TMEM135: variants seen among roughly 807,000 people sequenced by gnomAD.
TMEM135 encodes the protein transmembrane protein 135, also known as peroxisomal membrane protein 52.
A neutral mutation model predicts 60.3 loss-of-function variants in TMEM135; 30 were observed. That is an observed-to-expected ratio of 0.50 (90% CI 0.37 to 0.68). TMEM135 has a LOEUF of 0.68. TMEM135 is among the 30% of genes least tolerant of loss of function. TMEM135 has a pLI of 0.00. For synonymous variants in TMEM135, 190 were observed against 186.7 expected, an observed-to-expected ratio of 1.02 and a Z score of -0.14; for missense variants, 468 against 548.8, an observed-to-expected ratio of 0.85 and a Z score of 1.47.
In TMEM135 at chr11:87,324,894, C is replaced by T. The variant is rs1169387673; in HGVS notation, c.*3561C>T. On this transcript the variant is annotated 3_prime_UTR_variant, in exon 15 of 15. Coordinates refer to ENST00000305494, the MANE Select transcript of TMEM135 (RefSeq NM_022918.4). ...TTTTCACATAGTAGAATACTTCACT[C>T]AGCTGAAAATGAGTGGCCAAGAAAA... 1 of 453,860 alleles carries T rather than the reference C, an allele frequency of 2.2e-6. No homozygotes were observed. The highest frequency in any genetic ancestry group is 4.4e-6 in the Non-Finnish European group (1 of 226,774). 28.1% of individuals were successfully genotyped at this position (453,860 alleles called of 1,614,324 possible).
chr11:87,089,022 T>C (rs1857152718), intron 3 of TMEM135, among the ~76,000 whole-genome samples: 1 of 152,220 alleles, frequency 6.6e-6, no homozygotes, highest in Non-Finnish European at 1.5e-5. Context: ...TTAAGTTGTA[T>C]GTATTTAGGT....
At chr11:87,080,556 A>T (rs1856968249) in intron 3 of TMEM135, among the ~76,000 whole-genome samples, 2 of 152,322 alleles carry the variant, frequency 1.3e-5, no homozygotes, top group South Asian at 4.1e-4. Context: ...TGAAGGTTTT[A>T]TTGGTACATG....
At chr11:87,053,331 G>A (rs1173339493) in intron 1 of TMEM135, among the ~76,000 whole-genome samples, 2 of 144,248 alleles carry the variant, frequency 1.4e-5, no homozygotes, top group African/African-American at 2.6e-5. Flanking sequence ...TATTGATTAT[G>A]AAAAGATGAT....
At chr11:87,254,934 G>A (rs188628982) in intron 6 of TMEM135, among the ~76,000 whole-genome samples, 1 of 152,116 alleles carries the variant, frequency 6.6e-6, no homozygotes, top group Non-Finnish European at 1.5e-5. Flanking sequence ...GAGCCCAGGG[G>A]TTCGATACCA....
chr11:87,306,370 G>T (rs1942544052), intron 9 of TMEM135, among the ~76,000 whole-genome samples: 1 of 152,218 alleles, frequency 6.6e-6, no homozygotes, highest in South Asian at 2.1e-4. Context: ...CTCCCAGACT[G>T]TGCTGTGTGC....
intron 5 of TMEM135, among the ~76,000 whole-genome samples, chr11:87,219,485 C>T (rs1215363480): frequency 6.6e-6 from 1 of 151,808 alleles, no homozygotes; most frequent in Admixed American, 6.6e-5. Context: ...GGGGAGAGAG[C>T]CAGGGAGAGT....
chr11:87,170,070 T>G (rs1025947976), intron 5 of TMEM135, among the ~76,000 whole-genome samples: 6 of 151,962 alleles, frequency 3.9e-5, no homozygotes, highest in Non-Finnish European at 5.9e-5. Context: ...TTCCACTTGA[T>G]CAGTTTGGCT....
At chr11:87,184,758 A>G (rs906728206) in intron 5 of TMEM135, among the ~76,000 whole-genome samples, 1 of 152,102 alleles carries the variant, frequency 6.6e-6, no homozygotes, top group African/African-American at 2.4e-5. Flanking sequence ...AATGCCTGGA[A>G]TGTTGATGTT....
chr11:87,071,913 C>G (rs1452388403), intron 3 of TMEM135, among the ~76,000 whole-genome samples: 1 of 152,022 alleles, frequency 6.6e-6, no homozygotes, highest in African/African-American at 2.4e-5. Flanking sequence ...AATTCTAGGC[C>G]AGGCAGCTCA....
intron 6 of TMEM135, among the ~76,000 whole-genome samples, chr11:87,293,126 T>G (rs572422313): frequency 6.6e-6 from 1 of 152,318 alleles, no homozygotes; most frequent in East Asian, 1.9e-4. Flanking sequence ...CCATCTTACC[T>G]ATCTAGATTA....
chr11:87,301,724 A>T (rs1942453519), intron 7 of TMEM135, among the ~76,000 whole-genome samples: 1 of 152,202 alleles, frequency 6.6e-6, no homozygotes, highest in Non-Finnish European at 1.5e-5. Context: ...CTGAGAAAGG[A>T]TACTTCTTGA....
chr11:87,237,551 C>T (rs546293824), intron 6 of TMEM135, among the ~76,000 whole-genome samples: 1 of 151,940 alleles, frequency 6.6e-6, no homozygotes, highest in Admixed American at 6.6e-5. Context: ...ACAATCCAAC[C>T]ATACCAGAAT....
chr11:87,055,600 T>A (rs996611576), intron 1 of TMEM135, among the ~76,000 whole-genome samples: 2 of 152,188 alleles, frequency 1.3e-5, no homozygotes, highest in Non-Finnish European at 2.9e-5. Context: ...CATCTTTTTT[T>A]TTTTTTTGAG....
chr11:87,313,290 C>T (rs998847035), intron 10 of TMEM135, 135 bp from the exon 11 acceptor site: 18 of 661,744 alleles, frequency 2.7e-5, no homozygotes, highest in Non-Finnish European at 4.6e-5. Context: ...ATCATGTATG[C>T]AGTTTGATTT....
intron 5 of TMEM135, among the ~76,000 whole-genome samples, chr11:87,222,332 T>A (rs561261981): frequency 4.1e-5 from 6 of 144,794 alleles, no homozygotes; most frequent in African/African-American, 1.5e-4. Context: ...CCGTCTCTAC[T>A]AAAAATGCAA....
At chr11:87,229,238 T>G (rs1940834334) in intron 5 of TMEM135, among the ~76,000 whole-genome samples, 1 of 151,984 alleles carries the variant, frequency 6.6e-6, no homozygotes, top group South Asian at 2.1e-4. Context: ...ATATATTCAG[T>G]TTCAAAAAAA....
rs1321258906 is a variant in TMEM135 at position 87,328,263 on chromosome 11, C to G, written c.*6930C>G. 1 of 453,954 alleles carries G rather than the reference C, an allele frequency of 2.2e-6. No individual in the cohort carries two copies. The highest frequency in any genetic ancestry group is 4.4e-6 in the Non-Finnish European group (1 of 226,794). 28.1% of individuals were successfully genotyped at this position (453,954 alleles called of 1,614,324 possible). A position where few individuals can be genotyped will look rare whatever the true frequency, so the allele number is the denominator to read the frequency against. On this transcript the variant is annotated 3_prime_UTR_variant, in exon 15 of 15. Coordinates refer to ENST00000305494, the MANE Select transcript of TMEM135 (RefSeq NM_022918.4). The stretch of plus-strand genomic sequence containing the variant: ...CTTTTTCTCCACTCTTCTGTGTATG[C>G]TAAAATACTGTCAATCTCGTCTTTG...
At chr11:87,180,172 G>A (rs1939478604) in intron 5 of TMEM135, among the ~76,000 whole-genome samples, 1 of 152,026 alleles carries the variant, frequency 6.6e-6, no homozygotes, top group Non-Finnish European at 1.5e-5. Context: ...TTTCTGGTGG[G>A]ACCCCAAGTA....
intron 5 of TMEM135, among the ~76,000 whole-genome samples, chr11:87,182,924 A>G (rs1340167001): frequency 6.6e-6 from 1 of 152,014 alleles, no homozygotes; most frequent in African/African-American, 2.4e-5. Flanking sequence ...TTAGGATCTT[A>G]GTATGGTATT....
Sources: allele counts gnomAD v4.1 joint callset (sites outside exome capture counted in the v4.1 genomes callset), GRCh38; gene constraint gnomAD v4.1.1; transcripts MANE v1.5; gene names NCBI Gene and HGNC (gene_info 2026-07-23, HGNC 2026-07-21).